The following SDCCAG8 variants were observed in gnomAD, a reference collection of about 807,000 sequenced individuals.
The protein encoded by SDCCAG8 is SHH signaling and ciliogenesis regulator SDCCAG8.
A neutral mutation model predicts 101.8 loss-of-function variants in SDCCAG8; 74 were observed. The observed-to-expected ratio is 0.73, with a 90% CI of 0.60 to 0.88. The LOEUF is 0.88. Among genes scored for constraint, SDCCAG8 ranks in the 40% least tolerant of loss-of-function variants. The pLI is 0.00. For synonymous variants in SDCCAG8, 281 were observed against 292.9 expected (o/e 0.96, Z 0.41); for missense variants, 787 against 822.6 (o/e 0.96, Z 0.53).
At chr1:243,353,582 C>T (rs1573511253) in intron 12 of SDCCAG8, among the ~76,000 whole-genome samples, 1 of 142,944 alleles carries the variant, frequency 7.0e-6, no homozygotes, top group East Asian at 2.2e-4. Flanking sequence ...TTCAACATGG[C>T]AGCTTGAGCA....
chr1:243,373,206 G>T (rs1211781363), intron 12 of SDCCAG8, among the ~76,000 whole-genome samples: 1 of 152,010 alleles, frequency 6.6e-6, no homozygotes, highest in African/African-American at 2.4e-5. Context: ...AGGCAGTGAA[G>T]TCAGAAGATC....
intron 1 of SDCCAG8, among the ~76,000 whole-genome samples, chr1:243,256,996 C>T (rs1457903146): frequency 6.6e-6 from 1 of 152,140 alleles, no homozygotes; most frequent in African/African-American, 2.4e-5. Context: ...GACTTAATGT[C>T]TGTACTTTTA....
intron 13 of SDCCAG8, among the ~76,000 whole-genome samples, chr1:243,407,493 T>A (rs1006030410): frequency 6.6e-6 from 1 of 152,030 alleles, no homozygotes; most frequent in East Asian, 1.9e-4. Context: ...GTTGATAGAG[T>A]CTGTGGTTTT....
chr1:243,333,136 C>A (rs1183088985), intron 10 of SDCCAG8, among the ~76,000 whole-genome samples: 2 of 152,222 alleles, frequency 1.3e-5, no homozygotes, highest in Non-Finnish European at 2.9e-5. Flanking sequence ...CCAACCCAGT[C>A]TGAATGGGAA....
At position 243,499,970 on chromosome 1, in the gene SDCCAG8, A is replaced by C; in HGVS notation, c.*185A>C. On this transcript the variant is annotated 3_prime_UTR_variant, in exon 18 of 18. Transcript: ENST00000366541. Reference sequence around the variant, plus strand: ...GCAGTCGGGCTGGAGCTGGAGTCTGACTCTAGCTGAGCAGAGCTCCTGGTG... The same window carrying C: ...GCAGTCGGGCTGGAGCTGGAGTCTGCCTCTAGCTGAGCAGAGCTCCTGGTG... The C allele has an allele frequency of 1.5e-6, 1 of 646,432 alleles. No individual in the cohort carries two copies. Among genetic ancestry groups the C allele is most frequent in the South Asian group, 1.8e-5 (1 of 56,806 alleles). 40.0% of individuals were successfully genotyped at this position (646,432 alleles called of 1,614,324 possible).
chr1:243,480,322 T>TGGGA, intron 16 of SDCCAG8, among the ~76,000 whole-genome samples: 1 of 118,104 alleles, frequency 8.5e-6, no homozygotes, highest in South Asian at 2.9e-4. Flanking sequence ...GATGGATGGG[T>TGGGA]GGGATGGATG....
chr1:243,457,998 A>G (rs1251419097), intron 16 of SDCCAG8, among the ~76,000 whole-genome samples: 1 of 152,242 alleles, frequency 6.6e-6, no homozygotes, highest in Non-Finnish European at 1.5e-5. Flanking sequence ...CAGAAATATA[A>G]TTGTCAGGTG....
intron 12 of SDCCAG8, among the ~76,000 whole-genome samples, chr1:243,352,787 T>C (rs1386386082): frequency 6.6e-6 from 1 of 152,246 alleles, no homozygotes; most frequent in Admixed American, 6.5e-5. Flanking sequence ...TTTGTACATA[T>C]GCATCTATAA....
chr1:243,490,972 T>A (rs1666263418), intron 17 of SDCCAG8, among the ~76,000 whole-genome samples: 1 of 152,188 alleles, frequency 6.6e-6, no homozygotes, highest in Non-Finnish European at 1.5e-5. Context: ...TAGGCTCTTG[T>A]CACATAGGAG....
At chr1:243,480,508 TA>T (rs1663343804) in intron 16 of SDCCAG8, among the ~76,000 whole-genome samples, 1 of 34,276 alleles carries the variant, frequency 2.9e-5, no homozygotes, top group Non-Finnish European at 5.7e-5. Context: ...GATGGATGGA[TA>T]GGTGGGATGG....
At chr1:243,452,414 CTTTT>C (rs71574667) in intron 16 of SDCCAG8, among the ~76,000 whole-genome samples, 5 of 66,652 alleles carry the variant, frequency 7.5e-5, no homozygotes, top group African/African-American at 1.2e-4. Context: ...GATCTCATCT[CTTTT>C]TTTTTTTTTT....
intron 16 of SDCCAG8, among the ~76,000 whole-genome samples, chr1:243,446,649 G>A (rs1297737191): frequency 6.6e-6 from 1 of 152,116 alleles, no homozygotes; most frequent in Admixed American, 6.5e-5. Context: ...TCTGTTCCTG[G>A]CTTAAGAACA....
intron 13 of SDCCAG8, among the ~76,000 whole-genome samples, chr1:243,394,767 C>T (rs149774548): frequency 3.3e-4 from 50 of 152,108 alleles, no homozygotes; most frequent in African/African-American, 1.1e-3. Flanking sequence ...ATCAGCTCTT[C>T]GCCTTCACCT....
At position 243,270,816 on chromosome 1, in the gene SDCCAG8, A is replaced by G. The variant is rs182976595; in HGVS notation, c.221-162A>G. On this transcript the variant is annotated intron_variant, in intron 2 of 17. Transcript: ENST00000366541. ...TAGATTCTTAGCTCTTAAGGGGTAG[A>G]AATTCTTTTTTTTTTTTTATGTTGG... Among the ~76,000 whole-genome samples, 140 of 151,752 alleles carry G rather than the reference A, an allele frequency of 9.2e-4. 1 individual carries two copies. Among genetic ancestry groups the G allele is most frequent in the Non-Finnish European group, 4.4e-5 (3 of 67,988 alleles).
intron 12 of SDCCAG8, among the ~76,000 whole-genome samples, chr1:243,353,062 A>G (rs955597108): frequency 2.0e-5 from 3 of 152,160 alleles, no homozygotes; most frequent in South Asian, 2.1e-4. Flanking sequence ...GCTATAATCA[A>G]TTTCTGTCAG....
chr1:243,335,467 A>G (rs746066774), intron 10 of SDCCAG8, among the ~76,000 whole-genome samples: 14 of 152,168 alleles, frequency 9.2e-5, no homozygotes, highest in Non-Finnish European at 1.3e-4. Flanking sequence ...GTGTAGAAGT[A>G]TGTTGATGAG....
At chr1:243,289,402 C>T (rs2069987798) in intron 5 of SDCCAG8, among the ~76,000 whole-genome samples, 1 of 152,216 alleles carries the variant, frequency 6.6e-6, no homozygotes, top group Non-Finnish European at 1.5e-5. Flanking sequence ...ATGTTAATCT[C>T]TTTTAGCAAC....
At chr1:243,483,066 A>G (rs1395134448) in intron 16 of SDCCAG8, among the ~76,000 whole-genome samples, 2 of 152,182 alleles carry the variant, frequency 1.3e-5, no homozygotes, top group African/African-American at 2.4e-5. Flanking sequence ...CAAGACACAC[A>G]GAACAAGAAA....
intron 16 of SDCCAG8, among the ~76,000 whole-genome samples, chr1:243,484,604 C>T (rs938396316): frequency 2.6e-5 from 4 of 152,194 alleles, no homozygotes; most frequent in African/African-American, 9.6e-5. Flanking sequence ...CAATATTGGC[C>T]ATTTCTCTTC....
Sources: gnomAD v4.1 joint callset for allele counts (sites outside exome capture counted in the v4.1 genomes callset) on GRCh38, gnomAD v4.1.1 for gene constraint, MANE v1.5 for transcripts, NCBI Gene and HGNC (gene_info 2026-07-23, HGNC 2026-07-21) for gene names.